GRK2: variants seen among roughly 807,000 people sequenced by gnomAD.
GRK2 encodes G protein-coupled receptor kinase 2, also known as adrenergic beta receptor kinase 1.
GRK2 carries 23 observed loss-of-function variants against 97.8 expected under a neutral mutation model. The ratio of observed to expected loss-of-function variants is 0.24; its 90% CI spans 0.17 to 0.33. GRK2 has a LOEUF of 0.33. Ranked by LOEUF, GRK2 falls within the 10% of genes least tolerant of loss-of-function variation. GRK2 has a pLI of 1.00. For synonymous variants in GRK2, 425 were observed against 381.7 expected (o/e 1.11, Z -1.32); for missense variants, 633 against 956.9 (o/e 0.66, Z 4.47).
In GRK2 at chr11:67,281,732, A is replaced by C. The variant is rs1450230910; in HGVS notation, c.826+4A>C. On this transcript the variant is annotated splice_donor_region_variant and intron_variant, in intron 10 of 20. Transcript: ENST00000308595. The surrounding 1 kb of genome is among the most constrained non-coding windows in gnomAD (Gnocchi z 5.7). ...TTCATCCTGGACCTCATGAACGGTGAGTGCTGGCCGGGCCCTAGGGTGGGC... is the reference window on the plus strand; with the variant it reads ...TTCATCCTGGACCTCATGAACGGTGCGTGCTGGCCGGGCCCTAGGGTGGGC... 1.2e-6 allele frequency: 2 copies of C among 1,612,678 alleles called. No homozygotes were observed. The highest frequency in any genetic ancestry group is 8.5e-7 in the Non-Finnish European group (1 of 1,179,784).
At chr11:67,284,551 A>G (rs1860229005) in intron 18 of GRK2, 178 bp downstream of exon 18, 1 of 777,540 alleles carries the variant, frequency 1.3e-6, no homozygotes, top group Non-Finnish European at 2.0e-6. Context: ...TTGGGAGGCC[A>G]AGGAGCGCAG....
chr11:67,285,043 C>T, intron 19 of GRK2, 32 bp from the exon 20 acceptor site: 1 of 1,612,606 alleles, frequency 6.2e-7, no homozygotes, highest in East Asian at 2.2e-5. Context: ...CGGCCCGGCT[C>T]TTACCTGCAC....
At position 67,281,898 on chromosome 11, in the gene GRK2, C is replaced by A; in HGVS notation, c.903C>A (p.Ile301=). 6.2e-7 allele frequency: 1 copy of A among 1,613,606 alleles called. No homozygotes were observed. The highest frequency in any genetic ancestry group is 8.5e-7 in the Non-Finnish European group (1 of 1,179,970). ...ACATGCGCTTCTATGCGGCCGAGAT[C>A]ATCCTGGGCCTGGAGCACATGCACA... ...EADMRFYAAE[I]ILGLEHMHNR... Residue 301 remains isoleucine (I), a synonymous_variant, in exon 11 of 21, where the codon ATC becomes ATA. Transcript: ENST00000308595. This position sits in a 1 kb window ranked among gnomAD's most constrained non-coding sequence, Gnocchi z 5.7.
At chr11:67,284,157 G>C in intron 17 of GRK2, 54 bp from the exon 18 acceptor site, 2 of 1,605,842 alleles carry the variant, frequency 1.2e-6, no homozygotes, top group Non-Finnish European at 1.7e-6. Flanking sequence ...GTGGCTGATG[G>C]TATTCCGGCA....
chr11:67,279,809 C>T (rs1860111337), intron 5 of GRK2, 30 bp from the exon 6 acceptor site: 9 of 1,613,610 alleles, frequency 5.6e-6, no homozygotes, highest in South Asian at 3.3e-5. Flanking sequence ...TCTCGGGGCT[C>T]AGTCACCAAC....
At position 67,266,830 on chromosome 11, in the gene GRK2, G is replaced by A. The variant is rs918688318; in HGVS notation, c.113+18G>A. 2.5e-6 allele frequency: 3 copies of A among 1,215,016 alleles called. No homozygotes were observed. The highest frequency in any genetic ancestry group is 8.3e-5 in the Admixed American group (2 of 24,148). 75.3% of individuals were successfully genotyped at this position (1,215,016 alleles called of 1,614,324 possible). On this transcript the variant is annotated intron_variant, in intron 1 of 20. Coordinates refer to ENST00000308595, the MANE Select transcript of GRK2 (RefSeq NM_001619.5). ...GAGCCCAGGTGAGGAGAAGCTGCCC[G>A]CGGCCCCGGCCCGACCCCGCGGGCG...
Position 67,283,703 on chromosome 11 carries a change from A to AC in GRK2, c.1329-3dup, listed in dbSNP as rs780060573. 2 of 1,613,122 alleles carry AC rather than the reference A, an allele frequency of 1.2e-6. No homozygotes were observed. Among genetic ancestry groups the AC allele is most frequent in the South Asian group, 2.2e-5 (2 of 91,064 alleles). On this transcript the variant is annotated splice_region_variant and splice_polypyrimidine_tract_variant and intron_variant, in intron 15 of 20. Transcript: ENST00000308595. ...GAGCCCAGATGACTGGCCTCTCCCC[A>AC]CAGGGCTCAGGAGGTGAAAGAGAGC...
intron 2 of GRK2, among the ~76,000 whole-genome samples, chr11:67,278,926 G>C (rs1369364288): frequency 6.6e-6 from 1 of 152,186 alleles, no homozygotes; most frequent in Non-Finnish European, 1.5e-5. Context: ...CCGCTCCTCT[G>C]CCTCACCCTG....
Position 67,281,193 on chromosome 11 carries a change from C to T in GRK2, c.647+9C>T, listed in dbSNP as rs1860142168. The T allele has an allele frequency of 6.2e-7, 1 of 1,609,848 alleles. No individual in the cohort carries two copies. The highest frequency in any genetic ancestry group is 1.3e-5 in the African/African-American group (1 of 74,750). On this transcript the variant is annotated intron_variant, in intron 8 of 20. Coordinates refer to ENST00000308595, the MANE Select transcript of GRK2 (RefSeq NM_001619.5). This position sits in a 1 kb window ranked among gnomAD's most constrained non-coding sequence, Gnocchi z 5.7. ...GCTGACACAGGCAAGATGTGAGCAC[C>T]CTGCTCGGCGCGGTGGGATACCTCG...
rs769520453 is a variant in GRK2, at chr11:67,281,161, C to T, written c.624C>T (p.Cys208=). ...GGGGCTTTGGCGAGGTCTATGGGTG[C>T]CGGAAGGCTGACACAGGCAAGATGT... is the stretch of plus-strand genomic sequence containing the variant. ...GRGGFGEVYG[C]RKADTGKMYA... The change falls in exon 8 of 21, where the codon TGC becomes TGT. Residue 208 remains cysteine (C), a synonymous_variant. Coordinates refer to ENST00000308595, the MANE Select transcript of GRK2 (RefSeq NM_001619.5). The surrounding 1 kb of genome is among the most constrained non-coding windows in gnomAD (Gnocchi z 5.7). 3.5e-5 allele frequency: 56 copies of T among 1,613,094 alleles called. No homozygotes were observed. Among genetic ancestry groups the T allele is most frequent in the Non-Finnish European group, 4.4e-5 (52 of 1,179,640 alleles).
At position 67,266,644 on chromosome 11, in the gene GRK2, GAGC is replaced by G; in HGVS notation, c.-53_-51del. 1.2e-6 allele frequency: 1 copy of G among 824,848 alleles called. No individual in the cohort carries two copies. The highest frequency in any genetic ancestry group is 1.5e-6 in the Non-Finnish European group (1 of 671,018). 51.1% of individuals were successfully genotyped at this position (824,848 alleles called of 1,614,324 possible). A position where few individuals can be genotyped will look rare whatever the true frequency, so the allele number is the denominator to read the frequency against. ...GGCCGGGCCGGGCCGAGCGCCGAGC[GAGC>G]AGGAGCGGCGGCGGCGGCGGCGGCG... On this transcript the variant is annotated 5_prime_UTR_variant, in exon 1 of 21. Coordinates refer to ENST00000308595, the MANE Select transcript of GRK2 (RefSeq NM_001619.5).
At chr11:67,273,117 G>A (rs1019212309) in intron 1 of GRK2, among the ~76,000 whole-genome samples, 1 of 152,228 alleles carries the variant, frequency 6.6e-6, no homozygotes, top group Non-Finnish European at 1.5e-5. Context: ...TGACGGTGGC[G>A]ATTCAGCATC....
rs1565067450 is a variant in GRK2, at chr11:67,281,758, CG to C, written c.826+33del. On this transcript the variant is annotated intron_variant, in intron 10 of 20. Coordinates refer to ENST00000308595, the MANE Select transcript of GRK2 (RefSeq NM_001619.5). This position sits in a 1 kb window ranked among gnomAD's most constrained non-coding sequence, Gnocchi z 5.7. ...GTGCTGGCCGGGCCCTAGGGTGGGCCGGGCCCAGGCACGGGAGGCTGGGGCA... is the reference window on the plus strand; with the variant it reads ...GTGCTGGCCGGGCCCTAGGGTGGGCCGGCCCAGGCACGGGAGGCTGGGGCA... 6.2e-7 allele frequency: 1 copy of C among 1,613,566 alleles called. No homozygotes were observed.
rs567318418 is a variant in GRK2, at chr11:67,276,170, G to A, written c.114-1102G>A. The stretch of plus-strand genomic sequence containing the variant: ...CATAGACCTGCAGGGCCATGTGAGC[G>A]TGACATGGGCTCAGGTGTGTTGTCC... On this transcript the variant is annotated intron_variant, in intron 1 of 20. Transcript: ENST00000308595. This position sits in a 1 kb window ranked among gnomAD's most constrained non-coding sequence, Gnocchi z 4.2. Among the ~76,000 whole-genome samples, 8 of 152,350 alleles carry A rather than the reference G, an allele frequency of 5.3e-5. No individual in the cohort carries two copies. Among genetic ancestry groups the A allele is most frequent in the Middle Eastern group, 3.4e-3 (1 of 294 alleles).
At position 67,285,432 on chromosome 11, in the gene GRK2, C is replaced by A; in HGVS notation, c.2052C>A (p.Gly684=). ...GCAAGGTGCCGCTGGTCCAGCGCGG[C>A]AGTGCCAACGGCCTCTGACCCGCCC... ...ELSKVPLVQR[G]SANGL is the part of the protein sequence containing the mutation. Residue 684 remains glycine, a synonymous_variant, in exon 21 of 21, where the codon GGC becomes GGA. Coordinates refer to ENST00000308595, the MANE Select transcript of GRK2 (RefSeq NM_001619.5). 6.3e-7 allele frequency: 1 copy of A among 1,579,984 alleles called. No individual in the cohort carries two copies. Among genetic ancestry groups the A allele is most frequent in the Non-Finnish European group, 8.6e-7 (1 of 1,161,778 alleles).
In GRK2 at chr11:67,282,895, C is replaced by A. The variant is rs992547518; in HGVS notation, c.1227+77C>A. 2.0e-6 allele frequency: 3 copies of A among 1,473,500 alleles called. No homozygotes were observed. The African/African-American group carries it at 4.1e-5, about 20-fold the overall frequency. The allele number at this position is 1,473,500 out of a possible 1,614,324, so 91.3% of individuals were successfully genotyped here. A position where few individuals can be genotyped will look rare whatever the true frequency, so the allele number is the denominator to read the frequency against. ...GGGTGCCAGGCCATGACTCTTGCTTCCCACCAGCCAGCAGAGATCTGGGCC... is the reference window on the plus strand; with the variant it reads ...GGGTGCCAGGCCATGACTCTTGCTTACCACCAGCCAGCAGAGATCTGGGCC... On this transcript the variant is annotated intron_variant, in intron 14 of 20. Coordinates refer to ENST00000308595, the MANE Select transcript of GRK2 (RefSeq NM_001619.5). This position sits in a 1 kb window ranked among gnomAD's most constrained non-coding sequence, Gnocchi z 6.9.
In GRK2 at chr11:67,284,206, T is replaced by A. The variant is rs752687902; in HGVS notation, c.1492-5T>A. On this transcript the variant is annotated splice_polypyrimidine_tract_variant and splice_region_variant and intron_variant, in intron 17 of 20. Transcript: ENST00000308595. ...ATGTGCCCCTGCCCCATCCACCTGG[T>A]AAAGTTACTGGACAGTGATCAGGAG... The A allele has an allele frequency of 1.0e-4, 169 of 1,613,460 alleles. No homozygotes were observed. Among genetic ancestry groups the A allele is most frequent in the Non-Finnish European group, 1.3e-4 (157 of 1,179,962 alleles).
At chr11:67,270,841 A>G (rs1565061977) in intron 1 of GRK2, 1 of 152,110 alleles carries the variant, frequency 6.6e-6, no homozygotes. Flanking sequence ...ATTTGAAGGG[A>G]GTGTGAGCAA....
At chr11:67,279,773 G>T in intron 5 of GRK2, 66 bp from the exon 6 acceptor site, 1 of 1,613,004 alleles carries the variant, frequency 6.2e-7, no homozygotes, top group Admixed American at 1.7e-5. Context: ...TGGTCAGCCA[G>T]GGGTGGGGCC....
Sources: gnomAD v4.1 joint callset for allele counts (sites outside exome capture counted in the v4.1 genomes callset) on GRCh38, gnomAD v4.1.1 for gene constraint, Gnocchi (gnomAD v3.1) non-coding constraint, MANE v1.5 for transcripts, NCBI Gene and HGNC (gene_info 2026-07-23, HGNC 2026-07-21) for gene names.